The following TIAM2 variants were observed in gnomAD, a reference collection of about 807,000 sequenced individuals.
The protein encoded by TIAM2 is TIAM Rac1 associated GEF 2, also known as rho guanine nucleotide exchange factor TIAM2.
A neutral mutation model predicts 152.9 loss-of-function variants in TIAM2; 80 were observed. The ratio of observed to expected loss-of-function variants is 0.52; its 90% CI spans 0.44 to 0.63. The LOEUF is 0.63. Among genes scored for constraint, TIAM2 ranks in the 30% least tolerant of loss-of-function variants. The pLI is 0.00. For synonymous variants in TIAM2, 804 were observed against 838.0 expected, an observed-to-expected ratio of 0.96 and a Z score of 0.70; for missense variants, 1,965 against 2,120.1, an observed-to-expected ratio of 0.93 and a Z score of 1.44.
chr6:155,150,819 A>G (rs73795312), intron 7 of TIAM2, among the ~76,000 whole-genome samples: 4,633 of 152,220 alleles, frequency 0.03, 91 homozygotes, highest in Middle Eastern at 0.061. Context: ...GCCGCGTTTT[A>G]TAAGGCCATC....
chr6:155,008,426 T>G (rs1778433404), intron 1 of TIAM2, among the ~76,000 whole-genome samples: 1 of 152,164 alleles, frequency 6.6e-6, no homozygotes, highest in African/African-American at 2.4e-5. Flanking sequence ...AGAAATCAAT[T>G]GCCTCAGGCT....
chr6:155,072,915 C>T (rs983827610), intron 1 of TIAM2, among the ~76,000 whole-genome samples: 1 of 151,996 alleles, frequency 6.6e-6, no homozygotes, highest in Middle Eastern at 3.2e-3. Context: ...ATCGAGGGTT[C>T]GTCCTTATTT....
At chr6:155,047,111 C>T (rs548838657) in intron 1 of TIAM2, among the ~76,000 whole-genome samples, 24 of 152,242 alleles carry the variant, frequency 1.6e-4, no homozygotes, top group African/African-American at 5.5e-4. Flanking sequence ...TTCCCCTCAG[C>T]GTTTCCTTGT....
In TIAM2 at chr6:155,073,078, G is replaced by T. The variant is rs1471584832; in HGVS notation, c.-208-17211G>T. Reference sequence around the variant, plus strand: ...TCATGCCTAAGATCTGTTATTAAAGGTTAGAGATTAAAGGACTTTATAAAG... The same window carrying T: ...TCATGCCTAAGATCTGTTATTAAAGTTTAGAGATTAAAGGACTTTATAAAG... On this transcript the variant is annotated intron_variant, in intron 1 of 26. Transcript: ENST00000682666. 2.6e-5 allele frequency among the ~76,000 whole-genome samples: 4 copies of T among 151,386 alleles called. No homozygotes were observed. The East Asian group carries it at 7.7e-4, about 29-fold the overall frequency.
chr6:155,153,012 G>T (rs77467732), intron 7 of TIAM2, among the ~76,000 whole-genome samples: 6,304 of 152,270 alleles, frequency 0.041, 288 homozygotes, highest in Admixed American at 0.15. Context: ...AAATCCAGGG[G>T]TCTGGATGGT....
At chr6:155,151,074 T>G (rs547077117) in intron 7 of TIAM2, among the ~76,000 whole-genome samples, 6 of 152,314 alleles carry the variant, frequency 3.9e-5, no homozygotes, top group African/African-American at 1.4e-4. Context: ...TCCTCAGGCA[T>G]CTGGGAATAG....
chr6:155,037,592 A>ATG, intron 1 of TIAM2, among the ~76,000 whole-genome samples: 1 of 152,096 alleles, frequency 6.6e-6, no homozygotes, highest in South Asian at 2.1e-4. Flanking sequence ...GCAGTGGCGC[A>ATG]ATCTCTGCTC....
intron 1 of TIAM2, among the ~76,000 whole-genome samples, chr6:155,018,385 G>A (rs896973064): frequency 3.3e-5 from 5 of 151,884 alleles, no homozygotes; most frequent in African/African-American, 1.2e-4. Flanking sequence ...GTAGATTACA[G>A]TGGCCAGGTG....
chr6:155,122,849 CTTT>C (rs34773829), intron 2 of TIAM2, among the ~76,000 whole-genome samples: 2 of 142,878 alleles, frequency 1.4e-5, no homozygotes, highest in African/African-American at 2.6e-5. Context: ...TTTTAAAGTA[CTTT>C]TTTTTTTTTT....
intron 1 of TIAM2, among the ~76,000 whole-genome samples, chr6:155,039,570 G>C (rs184460033): frequency 6.6e-5 from 10 of 151,484 alleles, no homozygotes; most frequent in African/African-American, 2.4e-4. Flanking sequence ...GTATAGGTCT[G>C]GGGGGATTAG....
chr6:155,114,050 CTTTTTTTTTTTTTT>C (rs1275422426), intron 2 of TIAM2, among the ~76,000 whole-genome samples: 1 of 58,262 alleles, frequency 1.7e-5, no homozygotes, highest in Non-Finnish European at 2.9e-5. Context: ...TTTTTTTTTT[CTTTTTTTTTTTTTT>C]TTTTTTTGAA....
intron 1 of TIAM2, among the ~76,000 whole-genome samples, chr6:155,026,541 A>G (rs551551805): frequency 6.6e-6 from 1 of 152,278 alleles, no homozygotes; most frequent in East Asian, 1.9e-4. Flanking sequence ...GGAGGGCTGG[A>G]TATGTTTTTG....
At chr6:155,157,196 A>T (rs3828727) in intron 7 of TIAM2, among the ~76,000 whole-genome samples, 82,592 of 151,912 alleles carry the variant, frequency 0.54, 22,624 homozygotes, top group South Asian at 0.59. Context: ...GGAAACAGAG[A>T]TCTTCTCTGA....
chr6:155,128,697 T>A (rs1469688369), intron 3 of TIAM2, among the ~76,000 whole-genome samples: 166 of 140,694 alleles, frequency 1.2e-3, no homozygotes, highest in African/African-American at 3.9e-3. Flanking sequence ...CCCATATCTT[T>A]AAAAAAAAAA....
At chr6:155,211,392 G>A (rs527765420) in intron 15 of TIAM2, 85 bp downstream of exon 15, 2 of 1,033,722 alleles carry the variant, frequency 1.9e-6, no homozygotes, top group Admixed American at 2.0e-5. Context: ...GAAAGGAGAT[G>A]GAGTTACCTA....
intron 1 of TIAM2, among the ~76,000 whole-genome samples, chr6:155,002,072 C>T (rs2475865): frequency 0.22 from 34,200 of 152,098 alleles, 4,184 homozygotes; most frequent in East Asian, 0.38. Flanking sequence ...ATGACAGCAG[C>T]GCCTTCTTAG....
chr6:155,204,847 T>A lies in TIAM2; in HGVS notation c.3065-6357T>A, dbSNP rs116181669. ...AAAGAATAGCACACACTGGGTAATT[T>A]TAAAACAAATTTACAGGCTCAGAGT... On this transcript the variant is annotated intron_variant, in intron 14 of 26. Coordinates refer to ENST00000682666, the MANE Select transcript of TIAM2 (RefSeq NM_012454.4). Among the ~76,000 whole-genome samples the A allele has an allele frequency of 5.9e-3, 891 of 152,204 alleles. 9 individuals are homozygous for A. The highest frequency in any genetic ancestry group is 0.02 in the African/African-American group (813 of 41,516).
intron 1 of TIAM2, among the ~76,000 whole-genome samples, chr6:155,039,245 G>A (rs1776976467): frequency 6.6e-6 from 1 of 151,908 alleles, no homozygotes; most frequent in Non-Finnish European, 1.5e-5. Context: ...ACAGATGTGA[G>A]CCACTATGCC....
At chr6:155,141,019 G>C (rs1333110200) in intron 5 of TIAM2, among the ~76,000 whole-genome samples, 1 of 152,164 alleles carries the variant, frequency 6.6e-6, no homozygotes, top group Non-Finnish European at 1.5e-5. Flanking sequence ...CCAAAAGGTA[G>C]ACCAGGAACT....
Sources: allele counts gnomAD v4.1 joint callset (sites outside exome capture counted in the v4.1 genomes callset), GRCh38; gene constraint gnomAD v4.1.1; transcripts MANE v1.5; gene names NCBI Gene and HGNC (gene_info 2026-07-23, HGNC 2026-07-21).